The following KIF6 variants were observed in gnomAD, a reference collection of about 807,000 sequenced individuals.
KIF6 encodes kinesin-like protein KIF6.
In KIF6, 106 loss-of-function variants were observed where a neutral mutation model predicts 112.7. The observed-to-expected ratio is 0.94, with a 90% CI of 0.80 to 1.11. The LOEUF is 1.11. Among genes scored for constraint, KIF6 ranks in the 50% least tolerant of loss-of-function variants. The probability of loss-of-function intolerance (pLI) is 0.00; values close to 1 mark genes in which losing one functional copy is unlikely to be tolerated. For missense variants in KIF6, 929 were observed against 964.0 expected, an observed-to-expected ratio of 0.96 and a Z score of 0.48; for synonymous variants, 339 against 339.9, an observed-to-expected ratio of 1.00 and a Z score of 0.03.
At chr6:39,439,844 A>C (rs1268946640) in intron 13 of KIF6, among the ~76,000 whole-genome samples, 9 of 152,076 alleles carry the variant, frequency 5.9e-5, no homozygotes, top group Admixed American at 5.9e-4. Flanking sequence ...AGTTTATGCT[A>C]TTGCCTTTGG....
intron 15 of KIF6, among the ~76,000 whole-genome samples, chr6:39,412,598 A>G (rs186142239): frequency 1.2e-4 from 19 of 152,320 alleles, no homozygotes; most frequent in African/African-American, 7.2e-5. Flanking sequence ...TCTTACAACC[A>G]TGTTTCTTTA....
At chr6:39,354,136 G>T in intron 19 of KIF6, 1 of 353,558 alleles carries the variant, frequency 2.8e-6, no homozygotes, top group South Asian at 2.4e-5. Flanking sequence ...GGAAGGCATG[G>T]CTAGCATGTG....
chr6:39,697,668 A>G (rs535965409), intron 3 of KIF6, among the ~76,000 whole-genome samples: 149 of 151,542 alleles, frequency 9.8e-4, no homozygotes, highest in Non-Finnish European at 1.0e-3. Context: ...TCAGCCTCCC[A>G]AGTAGCTGGC....
At chr6:39,534,632 C>T (rs1778298601) in intron 13 of KIF6, among the ~76,000 whole-genome samples, 3 of 152,182 alleles carry the variant, frequency 2.0e-5, no homozygotes, top group Admixed American at 2.0e-4. Context: ...AGTTGGAAAA[C>T]ACTCTGCAGG....
At chr6:39,535,786 A>G (rs1357805315) in intron 13 of KIF6, among the ~76,000 whole-genome samples, 2 of 152,168 alleles carry the variant, frequency 1.3e-5, no homozygotes, top group Non-Finnish European at 2.9e-5. Flanking sequence ...CACCACACCT[A>G]TTCCAAAATT....
At chr6:39,606,013 T>C (rs1483307305) in intron 6 of KIF6, among the ~76,000 whole-genome samples, 1 of 152,088 alleles carries the variant, frequency 6.6e-6, no homozygotes, top group Non-Finnish European at 1.5e-5. Context: ...CTTCAGGATT[T>C]CTAACTATGC....
chr6:39,337,153 T>TC (rs1762989706), intron 22 of KIF6, among the ~76,000 whole-genome samples: 2 of 99,540 alleles, frequency 2.0e-5, no homozygotes, highest in African/African-American at 1.2e-4. Context: ...CCTTTCTCTT[T>TC]CTTTTCTTTC....
At chr6:39,395,462 T>C (rs1768192090) in intron 15 of KIF6, among the ~76,000 whole-genome samples, 1 of 152,252 alleles carries the variant, frequency 6.6e-6, no homozygotes, top group Admixed American at 6.5e-5. Flanking sequence ...TGGTATCTAT[T>C]CAAAAGATGT....
At chr6:39,559,925 G>A (rs899580284) in intron 10 of KIF6, among the ~76,000 whole-genome samples, 14 of 152,062 alleles carry the variant, frequency 9.2e-5, no homozygotes, top group African/African-American at 3.4e-4. Flanking sequence ...TATAAACTCT[G>A]ATCATATAAA....
chr6:39,371,908 G>T (rs912530588), intron 16 of KIF6, among the ~76,000 whole-genome samples: 1 of 152,108 alleles, frequency 6.6e-6, no homozygotes, highest in African/African-American at 2.4e-5. Flanking sequence ...GAGAGTCCAA[G>T]GCCACATTAC....
intron 16 of KIF6, among the ~76,000 whole-genome samples, chr6:39,371,701 C>A (rs1450582532): frequency 6.6e-6 from 1 of 152,176 alleles, no homozygotes; most frequent in African/African-American, 2.4e-5. Flanking sequence ...TTATCCAATT[C>A]TCTTCACAAC....
At chr6:39,341,042 C>G (rs1187594391) in intron 22 of KIF6, among the ~76,000 whole-genome samples, 1 of 152,140 alleles carries the variant, frequency 6.6e-6, no homozygotes, top group Admixed American at 6.5e-5. Flanking sequence ...GCATCAGTTT[C>G]CCTCTCTATG....
At chr6:39,624,569 C>A (rs1783995143) in intron 5 of KIF6, among the ~76,000 whole-genome samples, 1 of 152,150 alleles carries the variant, frequency 6.6e-6, no homozygotes, top group Admixed American at 6.5e-5. Flanking sequence ...ATCGTGGAGA[C>A]TAACAGGACA....
rs115862990 is a variant in KIF6 at position 39,471,527 on chromosome 6, T to A, written c.1646-40366A>T. ...GGTCTTTTTATAGGTCCTCCATTCA[T>A]GAGGCCACACCTCTTCAGCAAATGT... is the stretch of plus-strand genomic sequence containing the variant. On this transcript the variant is annotated intron_variant, in intron 13 of 22. Transcript: ENST00000287152. Among the ~76,000 whole-genome samples the A allele has an allele frequency of 9.6e-3, 1,457 of 152,298 alleles. 28 individuals carry two copies. The highest frequency in any genetic ancestry group is 0.033 in the African/African-American group (1,383 of 41,554).
intron 13 of KIF6, among the ~76,000 whole-genome samples, chr6:39,521,580 C>T (rs1326451202): frequency 6.6e-6 from 1 of 152,132 alleles, no homozygotes; most frequent in Non-Finnish European, 1.5e-5. Context: ...TACCAACTGT[C>T]CCCCTAAAAA....
intron 13 of KIF6, among the ~76,000 whole-genome samples, chr6:39,435,346 A>C (rs1000756030): frequency 6.6e-6 from 1 of 152,156 alleles, no homozygotes; most frequent in Admixed American, 6.5e-5. Context: ...TTACTTCTAG[A>C]ATTTGTAAGC....
At chr6:39,679,614 CTTTTTTTTTTTTTT>C (rs55936243) in intron 3 of KIF6, among the ~76,000 whole-genome samples, 1 of 106,504 alleles carries the variant, frequency 9.4e-6, no homozygotes, top group South Asian at 3.2e-4. Flanking sequence ...CTTTTCTTTT[CTTTTTTTTTTTTTT>C]TTTTTGAGGC....
intron 10 of KIF6, among the ~76,000 whole-genome samples, chr6:39,570,273 T>C (rs1036847638): frequency 2.6e-5 from 4 of 152,112 alleles, no homozygotes; most frequent in African/African-American, 9.7e-5. Context: ...TGGAGAGACA[T>C]TGACTGATGG....
intron 19 of KIF6, among the ~76,000 whole-genome samples, chr6:39,351,130 G>A (rs1344186113): frequency 6.6e-6 from 1 of 151,374 alleles, no homozygotes; most frequent in Non-Finnish European, 1.5e-5. Context: ...AGCTCCTGTG[G>A]GTGATCTGAT....
Sources: allele counts gnomAD v4.1 joint callset (sites outside exome capture counted in the v4.1 genomes callset), GRCh38; gene constraint gnomAD v4.1.1; transcripts MANE v1.5; gene names NCBI Gene and HGNC (gene_info 2026-07-23, HGNC 2026-07-21).